Variants in MARK2 observed in about 807,000 individuals in gnomAD.
MARK2 encodes the protein microtubule affinity regulating kinase 2.
In MARK2, 16 loss-of-function variants were observed where a neutral mutation model predicts 89.8. The observed-to-expected ratio is 0.18, with a 90% CI of 0.12 to 0.27. The LOEUF is 0.27. MARK2 is among the 10% of genes least tolerant of loss of function. The pLI, the probability that MARK2 is intolerant of heterozygous loss-of-function variation, is 1.00. For missense variants in MARK2, 621 were observed against 1,049.9 expected, an observed-to-expected ratio of 0.59 and a Z score of 5.65; for synonymous variants, 382 against 399.5, an observed-to-expected ratio of 0.96 and a Z score of 0.52.
At chr11:63,885,168 G>A (rs1458169402) in intron 1 of MARK2, among the ~76,000 whole-genome samples, 2 of 152,016 alleles carry the variant, frequency 1.3e-5, no homozygotes, top group Non-Finnish European at 2.9e-5. Context: ...ACTCCAGCCC[G>A]GGCAACAGAG....
intron 1 of MARK2, chr11:63,882,793 G>C (rs1939174663): frequency 6.6e-6 from 1 of 152,232 alleles, no homozygotes; most frequent in Non-Finnish European, 1.5e-5. Context: ...AGGAAGAAAA[G>C]CCCAGTGTCT....
intron 1 of MARK2, chr11:63,882,669 TG>T (rs1469701675): frequency 6.6e-6 from 1 of 152,232 alleles, no homozygotes; most frequent in Admixed American, 6.5e-5. Flanking sequence ...TCCATTTTTT[TG>T]TATATGTGCA....
intron 1 of MARK2, among the ~76,000 whole-genome samples, chr11:63,878,775 T>A (rs535689797): frequency 6.6e-6 from 1 of 152,198 alleles, no homozygotes; most frequent in South Asian, 2.1e-4. Flanking sequence ...GGGTCCTGAG[T>A]TGGAACTCTG....
chr11:63,895,438 C>A (rs534928733), intron 2 of MARK2, 100 bp downstream of exon 2: 2 of 1,458,730 alleles, frequency 1.4e-6, no homozygotes, highest in Non-Finnish European at 1.9e-6. Context: ...CTTGTTTATC[C>A]GGCAGAAATG....
At chr11:63,873,849 G>A (rs1938592565) in intron 1 of MARK2, among the ~76,000 whole-genome samples, 1 of 152,224 alleles carries the variant, frequency 6.6e-6, no homozygotes, top group African/African-American at 2.4e-5. Flanking sequence ...GCTTCACCAT[G>A]TTGGCCAGGC....
intron 1 of MARK2, among the ~76,000 whole-genome samples, chr11:63,848,246 C>T (rs1229757002): frequency 6.6e-6 from 1 of 152,196 alleles, no homozygotes; most frequent in African/African-American, 2.4e-5. Context: ...CCAGCCTAGA[C>T]CTTGTCCTTG....
intron 1 of MARK2, among the ~76,000 whole-genome samples, chr11:63,885,298 G>C (rs1303302426): frequency 6.6e-6 from 1 of 152,198 alleles, no homozygotes; most frequent in Non-Finnish European, 1.5e-5. Flanking sequence ...CAGCACTTTG[G>C]GAGGCCAAGG....
chr11:63,847,049 G>A (rs2016322303), intron 1 of MARK2, among the ~76,000 whole-genome samples: 1 of 152,188 alleles, frequency 6.6e-6, no homozygotes. Context: ...CTTGAGCCTG[G>A]GAAGTTGAGG....
chr11:63,898,208 G>T (rs377727353), intron 3 of MARK2, 24 bp from the exon 4 acceptor site: 2 of 1,611,042 alleles, frequency 1.2e-6, no homozygotes, highest in African/African-American at 1.3e-5. Context: ...GGGCAGGCAT[G>T]ACCCCTGGTA....
intron 1 of MARK2, among the ~76,000 whole-genome samples, chr11:63,872,283 A>G (rs1305344701): frequency 6.6e-6 from 1 of 152,152 alleles, no homozygotes; most frequent in African/African-American, 2.4e-5. Context: ...TTGGCCACAG[A>G]CTAGATTGCA....
At chr11:63,842,436 C>G (rs762176148) in intron 1 of MARK2, among the ~76,000 whole-genome samples, 13 of 151,858 alleles carry the variant, frequency 8.6e-5, no homozygotes, top group Non-Finnish European at 1.8e-4. Flanking sequence ...AGGATGGTCT[C>G]AGTCTCCTGT....
rs1941680742 is a variant in MARK2, at chr11:63,910,470, A to T, written c.*1233A>T. ...TCCCAGCTTGCTACCCTCAGTGGCCAGTGTGGGCGTGGGCGGTTTGGGGCG... is the reference window on the plus strand; with the variant it reads ...TCCCAGCTTGCTACCCTCAGTGGCCTGTGTGGGCGTGGGCGGTTTGGGGCG... On this transcript the variant is annotated 3_prime_UTR_variant, in exon 19 of 19. Transcript: ENST00000402010. 1 of 152,128 alleles carries T rather than the reference A, an allele frequency of 6.6e-6. No individual in the cohort carries two copies. The highest frequency in any genetic ancestry group is 1.5e-5 in the Non-Finnish European group (1 of 68,024). The allele number at this position is 152,128 out of a possible 1,614,324, so 9.4% of individuals were successfully genotyped here. A position where few individuals can be genotyped will look rare whatever the true frequency, so the allele number is the denominator to read the frequency against.
At chr11:63,878,832 C>G (rs1590612315) in intron 1 of MARK2, among the ~76,000 whole-genome samples, 1 of 152,178 alleles carries the variant, frequency 6.6e-6, no homozygotes, top group East Asian at 1.9e-4. Context: ...AAGTACAATT[C>G]ACGTACCCCT....
At chr11:63,894,400 C>T (rs1462133755) in intron 1 of MARK2, among the ~76,000 whole-genome samples, 2 of 152,156 alleles carry the variant, frequency 1.3e-5, no homozygotes, top group African/African-American at 4.8e-5. Context: ...CGTTTCTACC[C>T]AACAAAGTTA....
rs1437540967 is a variant in MARK2, at chr11:63,900,512, T to C, written c.769-47T>C. 1 of 1,599,412 alleles carries C rather than the reference T, an allele frequency of 6.3e-7. No individual in the cohort carries two copies. Among genetic ancestry groups the C allele is most frequent in the East Asian group, 2.2e-5 (1 of 44,706 alleles). On this transcript the variant is annotated intron_variant, in intron 8 of 18. Transcript: ENST00000402010. This position sits in a 1 kb window ranked among gnomAD's most constrained non-coding sequence, Gnocchi z 4.7. ...GATCTTGGATATTAGGTTTCTTCCT[T>C]TGGCCTTGGGGTGATTTCAATTTTC...
Position 63,839,639 on chromosome 11 carries a change from C to CCCTGCCCCTGCTCTT in MARK2, c.54+80_54+81insCTGCCCCTGCTCTTC, listed in dbSNP as rs1223349674. On this transcript the variant is annotated intron_variant, in intron 1 of 18. Transcript: ENST00000402010. ...CGGAGCCTCCTCCCTCTTCTGCTCTCCTCGTGCCCCTGCTGCCATCCTGCA... is the reference window on the plus strand; with the variant it reads ...CGGAGCCTCCTCCCTCTTCTGCTCTCCCTGCCCCTGCTCTTCTCGTGCCCCTGCTGCCATCCTGCA... The CCCTGCCCCTGCTCTT allele has an allele frequency of 4.5e-6, 4 of 896,296 alleles. No homozygotes were observed. In the African/African-American group the frequency reaches 6.9e-5, roughly 15 times the overall value. 55.5% of individuals were successfully genotyped at this position (896,296 alleles called of 1,614,324 possible). A position where few individuals can be genotyped will look rare whatever the true frequency, so the allele number is the denominator to read the frequency against.
At chr11:63,839,960 C>G (rs144215883) in intron 1 of MARK2, among the ~76,000 whole-genome samples, 46 of 152,306 alleles carry the variant, frequency 3.0e-4, no homozygotes, top group African/African-American at 1.1e-3. Flanking sequence ...TTGTCCACCT[C>G]TCCCTTCGTC....
chr11:63,847,289 T>C, intron 1 of MARK2, among the ~76,000 whole-genome samples: 1 of 152,192 alleles, frequency 6.6e-6, no homozygotes, highest in South Asian at 2.1e-4. Flanking sequence ...AATCATTAAT[T>C]TTAGGCTTAT....
At chr11:63,888,137 GAATGTGCATGTTTCCA>G (rs1210188892) in intron 1 of MARK2, among the ~76,000 whole-genome samples, 2 of 152,156 alleles carry the variant, frequency 1.3e-5, no homozygotes, top group Non-Finnish European at 2.9e-5. Context: ...TGTCTAAGTG[GAATGTGCATGTTTCCA>G]AGGTTAAGCA....
Sources: allele counts gnomAD v4.1 joint callset (sites outside exome capture counted in the v4.1 genomes callset), GRCh38; gene constraint gnomAD v4.1.1; non-coding constraint Gnocchi (gnomAD v3.1); transcripts MANE v1.5; gene names NCBI Gene and HGNC (gene_info 2026-07-23, HGNC 2026-07-21).